Variants in AHRR observed in about 807,000 individuals in gnomAD.
The protein encoded by AHRR is aryl hydrocarbon receptor repressor, also known as ahR repressor.
In AHRR, 28 loss-of-function variants were observed where a neutral mutation model predicts 44.0. That is an observed-to-expected ratio of 0.64 (90% CI 0.47 to 0.87). The LOEUF (loss-of-function observed/expected upper bound fraction) is 0.87. Among genes scored for constraint, AHRR ranks in the 40% least tolerant of loss-of-function variants. The pLI is 0.00. For missense variants in AHRR, 990 were observed against 953.9 expected (o/e 1.04, Z -0.50); for synonymous variants, 434 against 407.0 (o/e 1.07, Z -0.80).
At position 434,642 on chromosome 5, in the gene AHRR, C is replaced by G. The variant is rs759595425; in HGVS notation, c.1902C>G (p.Leu634=). ...GLPQSEPPHQ[L]CARGRGEQSC... The stretch of plus-strand genomic sequence containing the variant: ...CCCAGTCGGAGCCTCCCCACCAGCT[C>G]TGTGCACGGGGCCGAGGTGAACAGT... Residue 634 remains leucine (L), a synonymous_variant, in exon 11 of 11, where the codon CTC becomes CTG. Transcript: ENST00000684583. 3 of 1,563,204 alleles carry G rather than the reference C, an allele frequency of 1.9e-6. No individual in the cohort carries two copies. The highest frequency in any genetic ancestry group is 2.6e-6 in the Non-Finnish European group (3 of 1,153,824).
At position 438,109 on chromosome 5, in the gene AHRR, T is replaced by A. The variant is rs1219252347; in HGVS notation, c.*3275T>A. ...GCAGTTTCTACTGGAAGAAAAAAGT[T>A]TTCAATACCTAGACCAACTTGTTGA... On this transcript the variant is annotated 3_prime_UTR_variant, in exon 11 of 11. Coordinates refer to ENST00000684583, the MANE Select transcript of AHRR (RefSeq NM_001377236.1). 1 of 152,358 alleles carries A rather than the reference T, an allele frequency of 6.6e-6. No homozygotes were observed. Among genetic ancestry groups the A allele is most frequent in the African/African-American group, 2.4e-5 (1 of 41,456 alleles). The allele number at this position is 152,358 out of a possible 1,614,324, so 9.4% of individuals were successfully genotyped here.
intron 3 of AHRR, chr5:368,122 CA>C: frequency 1.7e-6 from 1 of 593,770 alleles, no homozygotes; most frequent in Non-Finnish European, 3.0e-6. Flanking sequence ...GAGACTCTGA[CA>C]GCTGAGCTGG....
At chr5:432,573 TTTCTGCCCTTGGAGAGC>T in intron 9 of AHRR, 49 bp downstream of exon 9, 2 of 1,594,852 alleles carry the variant, frequency 1.3e-6, no homozygotes. Context: ...GTAAAATGTG[TTTCTGCCCTTGGAGAGC>T]TTCCCCGCCC....
intron 4 of AHRR, among the ~76,000 whole-genome samples, chr5:382,585 T>C (rs942647164): frequency 1.3e-5 from 2 of 152,268 alleles, no homozygotes; most frequent in East Asian, 1.9e-4. Flanking sequence ...TGATTTTTTT[T>C]CAAAGAAGCA....
Position 406,522 on chromosome 5 carries a change from G to C in AHRR, c.352-6822G>C, listed in dbSNP as rs968177427. Among the ~76,000 whole-genome samples, 8 of 152,310 alleles carry C rather than the reference G, an allele frequency of 5.3e-5. No individual in the cohort carries two copies. The highest frequency in any genetic ancestry group is 1.9e-4 in the African/African-American group (8 of 41,562). ...CAGGTGGCTGGTCCACTTGTTCTTA[G>C]AAGGAAATTTCAGGAAAACGTTAAG... is the stretch of plus-strand genomic sequence containing the variant. On this transcript the variant is annotated intron_variant, in intron 4 of 10. Transcript: ENST00000684583. The surrounding 1 kb of genome is among the most constrained non-coding windows in gnomAD (Gnocchi z 4.7).
chr5:372,756 A>ATCACCC (rs757299274), intron 3 of AHRR, among the ~76,000 whole-genome samples: 182 of 152,156 alleles, frequency 1.2e-3, no homozygotes, highest in Non-Finnish European at 2.2e-3. Context: ...GCATCACGGC[A>ATCACCC]TCACCCAGAC....
At position 337,244 on chromosome 5, in the gene AHRR, C is replaced by A. The variant is rs1471215964; in HGVS notation, c.-10-6649C>A. 6.8e-6 allele frequency among the ~76,000 whole-genome samples: 1 copy of A among 147,074 alleles called. No homozygotes were observed. The highest frequency in any genetic ancestry group is 1.5e-5 in the Non-Finnish European group (1 of 68,026). ...AAAGTCCAGCCTGCCAACCCCAGCC[C>A]ACTTAGACTCCACTGTCCTCCCCAC... On this transcript the variant is annotated intron_variant, in intron 1 of 10. Transcript: ENST00000684583. This position sits in a 1 kb window ranked among gnomAD's most constrained non-coding sequence, Gnocchi z 4.1.
chr5:374,179 C>T (rs1212900799), intron 3 of AHRR, among the ~76,000 whole-genome samples: 3 of 152,002 alleles, frequency 2.0e-5, no homozygotes. Flanking sequence ...TGCCCCAGCC[C>T]GCGGACCTCG....
intron 4 of AHRR, chr5:403,669 T>G: frequency 3.2e-6 from 2 of 633,676 alleles, no homozygotes; most frequent in Non-Finnish European, 5.2e-6. Flanking sequence ...CCACTTTAAA[T>G]AGTTAAAATG....
Position 432,493 on chromosome 5 carries a change from G to A in AHRR, c.939G>A (p.Ser313=), listed in dbSNP as rs770915411. The change falls in exon 9 of 11, where the codon TCG becomes TCA. Residue 313 remains serine (S), a synonymous_variant. Coordinates refer to ENST00000684583, the MANE Select transcript of AHRR (RefSeq NM_001377236.1). ...AAGCCACCACCAGTCTGTGCGAATC[G>A]GAACTGCATGGAAAACCCAATTACT... ...KVKATTSLCE[S]ELHGKPNYSA... The A allele has an allele frequency of 1.1e-5, 17 of 1,614,148 alleles. No homozygotes were observed. The highest frequency in any genetic ancestry group is 2.7e-5 in the African/African-American group (2 of 75,056).
chr5:360,328 C>A (rs1743133390), intron 3 of AHRR, among the ~76,000 whole-genome samples: 1 of 152,232 alleles, frequency 6.6e-6, no homozygotes, highest in African/African-American at 2.4e-5. Flanking sequence ...CTTTTAGCTC[C>A]AGAAATGTGG....
intron 4 of AHRR, among the ~76,000 whole-genome samples, chr5:407,689 G>A (rs2721007): frequency 0.2 from 30,307 of 152,066 alleles, 4,877 homozygotes; most frequent in African/African-American, 0.45. Flanking sequence ...ACAGGCATGC[G>A]CCACCACACC....
At chr5:327,605 T>G (rs889921749) in intron 1 of AHRR, among the ~76,000 whole-genome samples, 4 of 152,336 alleles carry the variant, frequency 2.6e-5, no homozygotes, top group Admixed American at 2.6e-4. Flanking sequence ...ATACCACATT[T>G]TCTTTTGATT....
chr5:432,427 C>A, intron 8 of AHRR, 36 bp from the exon 9 acceptor site: 1 of 1,597,714 alleles, frequency 6.3e-7, no homozygotes, highest in South Asian at 1.1e-5. Flanking sequence ...CTTGTTCATC[C>A]GTCACATGTC....
chr5:359,636 C>G (rs181435467), intron 3 of AHRR, among the ~76,000 whole-genome samples: 1 of 152,214 alleles, frequency 6.6e-6, no homozygotes, highest in African/African-American at 2.4e-5. Flanking sequence ...ACTCATCACC[C>G]GCAGCAGCAT....
At chr5:364,684 A>G (rs916537498) in intron 3 of AHRR, among the ~76,000 whole-genome samples, 1 of 152,276 alleles carries the variant, frequency 6.6e-6, no homozygotes. Flanking sequence ...ATAAACATAA[A>G]TGGAATAAAC....
chr5:388,201 A>G lies in AHRR; in HGVS notation c.351+11485A>G, dbSNP rs904471109. ...ACCACTGTGCTTACCTCACAGCTCT[A>G]TCGTACCAGACAGGGGAAAGCTCAG... On this transcript the variant is annotated intron_variant, in intron 4 of 10. Transcript: ENST00000684583. The surrounding 1 kb of genome is among the most constrained non-coding windows in gnomAD (Gnocchi z 5.2). Among the ~76,000 whole-genome samples, 8 of 152,186 alleles carry G rather than the reference A, an allele frequency of 5.3e-5. No homozygotes were observed. The highest frequency in any genetic ancestry group is 1.9e-4 in the African/African-American group (8 of 41,448).
In AHRR at chr5:383,966, AGTAT is replaced by A. The variant is rs1187192472; in HGVS notation, c.351+7254_351+7257del. 6.6e-6 allele frequency among the ~76,000 whole-genome samples: 1 copy of A among 152,076 alleles called. No individual in the cohort carries two copies. The highest frequency in any genetic ancestry group is 2.4e-5 in the African/African-American group (1 of 41,412). On this transcript the variant is annotated intron_variant, in intron 4 of 10. Transcript: ENST00000684583. The surrounding 1 kb of genome is among the most constrained non-coding windows in gnomAD (Gnocchi z 4.0). ...TATTAAAAGTGTGTGTTTTGTTGGC[AGTAT>A]GTAAGTTGGGCCTTGATTTTTTTTC...
At position 434,676 on chromosome 5, in the gene AHRR, T is replaced by A. The variant is rs1016351707; in HGVS notation, c.1936T>A (p.Cys646Ser). 2 of 1,569,182 alleles carry A rather than the reference T, an allele frequency of 1.3e-6. No homozygotes were observed. The highest frequency in any genetic ancestry group is 1.7e-6 in the Non-Finnish European group (2 of 1,157,000). ...ARGRGEQSCT[C>S]RAAEAAPVVK... ...GGGCCGAGGTGAACAGTCCTGCACC[T>A]GCAGAGCTGCTGAGGCCGCCCCTGT... The change falls in exon 11 of 11, where the codon TGC becomes AGC. Residue 646 changes from cysteine (C) to serine (S), a missense_variant. Physicochemically the swap from Cys to Ser is moderately radical, Grantham distance 112. Transcript: ENST00000684583.
Sources: allele counts gnomAD v4.1 joint callset (sites outside exome capture counted in the v4.1 genomes callset), GRCh38; gene constraint gnomAD v4.1.1; non-coding constraint Gnocchi (gnomAD v3.1); transcripts MANE v1.5; gene names NCBI Gene and HGNC (gene_info 2026-07-23, HGNC 2026-07-21).